The following CSMD1 variants were observed in gnomAD, a reference collection of about 807,000 sequenced individuals.
CSMD1 encodes the protein CUB and sushi domain-containing protein 1.
In CSMD1, 213 loss-of-function variants were observed where a neutral mutation model predicts 417.5. The observed-to-expected ratio is 0.51, with a 90% CI of 0.46 to 0.57. CSMD1 has a LOEUF of 0.57. CSMD1 is among the 20% of genes least tolerant of loss of function. CSMD1 has a pLI of 0.00. For synonymous variants in CSMD1, 2,862 were observed against 1,736.8 expected, an observed-to-expected ratio of 1.65 and a Z score of -16.11; for missense variants, 6,923 against 4,529.7, an observed-to-expected ratio of 1.53 and a Z score of -15.17.
chr8:3,568,740 T>C (rs536008363), intron 10 of CSMD1, among the ~76,000 whole-genome samples: 2 of 152,234 alleles, frequency 1.3e-5, no homozygotes, highest in South Asian at 2.1e-4. Flanking sequence ...TATACACATA[T>C]ATATATGTAT....
intron 5 of CSMD1, among the ~76,000 whole-genome samples, chr8:3,799,735 T>G (rs139221045): frequency 1.1e-3 from 173 of 152,160 alleles, no homozygotes; most frequent in African/African-American, 4.0e-3. Context: ...TGCATTGTTT[T>G]ATAATAAGCT....
chr8:3,482,339 T>A (rs895204596), intron 11 of CSMD1, among the ~76,000 whole-genome samples: 1 of 152,074 alleles, frequency 6.6e-6, no homozygotes, highest in Non-Finnish European at 1.5e-5. Context: ...AGACATACCA[T>A]GTAAATATTA....
intron 12 of CSMD1, among the ~76,000 whole-genome samples, chr8:3,439,281 GTATATATATATA>G (rs1168340584): frequency 1.5e-4 from 8 of 54,344 alleles, no homozygotes; most frequent in African/African-American, 3.4e-4. Flanking sequence ...GGCAATGTCA[GTATATATATATA>G]TATATATATA....
chr8:4,262,766 C>A (rs1254324816), intron 3 of CSMD1, among the ~76,000 whole-genome samples: 4 of 152,140 alleles, frequency 2.6e-5, no homozygotes, highest in Non-Finnish European at 1.5e-5. Context: ...CTTGCAAACT[C>A]AGCTATGGAG....
chr8:3,712,438 C>G (rs200721874), intron 6 of CSMD1, among the ~76,000 whole-genome samples: 14 of 60,508 alleles, frequency 2.3e-4, no homozygotes, highest in African/African-American at 6.2e-4. Flanking sequence ...GACAGACAGA[C>G]AGACAGAGAG....
chr8:4,425,134 A>C (rs1182398506), intron 2 of CSMD1, among the ~76,000 whole-genome samples: 1 of 152,092 alleles, frequency 6.6e-6, no homozygotes, highest in African/African-American at 2.4e-5. Context: ...CACTTAATTA[A>C]ATACAATTTC....
intron 5 of CSMD1, among the ~76,000 whole-genome samples, chr8:3,981,357 G>C (rs904655330): frequency 6.6e-6 from 1 of 152,030 alleles, no homozygotes; most frequent in African/African-American, 2.4e-5. Flanking sequence ...AGAGTGGAAG[G>C]GGGGTGAAGG....
intron 1 of CSMD1, among the ~76,000 whole-genome samples, chr8:4,855,759 C>A (rs1480117667): frequency 2.0e-5 from 3 of 151,692 alleles, no homozygotes; most frequent in African/African-American, 7.3e-5. Flanking sequence ...AAATAAGGGA[C>A]TATGTGAAAA....
chr8:3,156,516 G>T (rs1432468938), intron 39 of CSMD1, among the ~76,000 whole-genome samples: 3 of 152,180 alleles, frequency 2.0e-5, no homozygotes, highest in African/African-American at 7.2e-5. Flanking sequence ...GTAAAGTCAG[G>T]CACATGGTGG....
intron 5 of CSMD1, among the ~76,000 whole-genome samples, chr8:3,919,135 G>C (rs75479708): frequency 0.027 from 3,705 of 136,886 alleles, 73 homozygotes; most frequent in South Asian, 0.077. Flanking sequence ...TGTGTTTGAC[G>C]TAGTCCCACT....
chr8:4,137,327 T>A (rs1193302723), intron 3 of CSMD1, among the ~76,000 whole-genome samples: 1 of 152,196 alleles, frequency 6.6e-6, no homozygotes, highest in Non-Finnish European at 1.5e-5. Context: ...AGGCTAACCT[T>A]GCAGGCTAAC....
intron 5 of CSMD1, among the ~76,000 whole-genome samples, chr8:3,802,524 G>A (rs1261282802): frequency 6.6e-6 from 1 of 152,048 alleles, no homozygotes; most frequent in Non-Finnish European, 1.5e-5. Flanking sequence ...AGCTCAGTGG[G>A]AAATACATTT....
At chr8:4,126,185 A>G (rs1802754091) in intron 3 of CSMD1, among the ~76,000 whole-genome samples, 1 of 152,148 alleles carries the variant, frequency 6.6e-6, no homozygotes, top group Non-Finnish European at 1.5e-5. Context: ...CCAAATTACC[A>G]TTAAAAACCC....
At chr8:3,826,234 G>C (rs1802046905) in intron 5 of CSMD1, among the ~76,000 whole-genome samples, 2 of 152,258 alleles carry the variant, frequency 1.3e-5, no homozygotes, top group Non-Finnish European at 1.5e-5. Context: ...GAAAGATGAA[G>C]TGATGCATCT....
chr8:3,619,251 A>G (rs1344613035), intron 7 of CSMD1, among the ~76,000 whole-genome samples: 1 of 152,180 alleles, frequency 6.6e-6, no homozygotes, highest in Non-Finnish European at 1.5e-5. Context: ...TGTACCCCCC[A>G]AAAACGTGAA....
chr8:4,911,419 T>C (rs1460785125), intron 1 of CSMD1, among the ~76,000 whole-genome samples: 2 of 152,234 alleles, frequency 1.3e-5, no homozygotes, highest in Non-Finnish European at 1.5e-5. Context: ...CCTTGACCTC[T>C]GACACAGCAT....
At chr8:4,810,793 A>G (rs999550066) in intron 1 of CSMD1, among the ~76,000 whole-genome samples, 1 of 152,204 alleles carries the variant, frequency 6.6e-6, no homozygotes, top group Non-Finnish European at 1.5e-5. Flanking sequence ...CATATCACCA[A>G]TATAATAAAT....
chr8:3,512,100 A>T (rs533469668), intron 10 of CSMD1, among the ~76,000 whole-genome samples: 2 of 152,082 alleles, frequency 1.3e-5, no homozygotes, highest in Admixed American at 1.3e-4. Context: ...TGACCTCCTC[A>T]TATTTCTCAT....
chr8:4,608,786 C>T (rs1025005569), intron 2 of CSMD1, among the ~76,000 whole-genome samples: 1 of 152,148 alleles, frequency 6.6e-6, no homozygotes, highest in South Asian at 2.1e-4. Flanking sequence ...AAATACCTAG[C>T]TGAATGTGTG....
Sources: gnomAD v4.1 joint callset for allele counts (sites outside exome capture counted in the v4.1 genomes callset) on GRCh38, gnomAD v4.1.1 for gene constraint, MANE v1.5 for transcripts, NCBI Gene and HGNC (gene_info 2026-07-23, HGNC 2026-07-21) for gene names.